PCNX2: variants seen among roughly 807,000 people sequenced by gnomAD.
PCNX2 encodes the protein pecanex 2.
A neutral mutation model predicts 223.8 loss-of-function variants in PCNX2; 168 were observed. The ratio of observed to expected loss-of-function variants is 0.75; its 90% CI spans 0.66 to 0.85. The LOEUF is 0.85. Ranked by LOEUF, PCNX2 falls within the 40% of genes least tolerant of loss-of-function variation. PCNX2 has a pLI of 0.00. For synonymous variants in PCNX2, 1,006 were observed against 1,052.6 expected (o/e 0.96, Z 0.86); for missense variants, 2,507 against 2,675.5 (o/e 0.94, Z 1.39).
At chr1:233,195,764 G>A (rs1199915707) in intron 15 of PCNX2, among the ~76,000 whole-genome samples, 3 of 152,146 alleles carry the variant, frequency 2.0e-5, no homozygotes, top group African/African-American at 7.2e-5. Flanking sequence ...CTCCTGACCT[G>A]AGAACGAAGT....
the PCNX2 span, among the ~76,000 whole-genome samples, chr1:233,314,231 T>G: frequency 6.6e-6 from 1 of 151,802 alleles, no homozygotes; most frequent in African/African-American, 2.4e-5. Context: ...CATATATATT[T>G]AGAGAGAGAG....
At chr1:233,193,695 T>C (rs1680548657) in intron 15 of PCNX2, among the ~76,000 whole-genome samples, 1 of 152,094 alleles carries the variant, frequency 6.6e-6, no homozygotes, top group Non-Finnish European at 1.5e-5. Context: ...GTGACAGAAA[T>C]GGACATCATT....
rs554601427 is a variant in PCNX2, at chr1:233,285,701, A to T, written c.153+9625T>A. Among the ~76,000 whole-genome samples the T allele has an allele frequency of 5.9e-5, 9 of 151,846 alleles. No individual in the cohort carries two copies. The South Asian group carries it at 1.9e-3, about 32-fold the overall frequency. ...AAAAAACAAACAAACAAACAAACAA[A>T]AAACTTGGTAAAGCCAAACACATGT... On this transcript the variant is annotated intron_variant, in intron 1 of 33. Coordinates refer to ENST00000258229, the MANE Select transcript of PCNX2 (RefSeq NM_014801.4).
At position 233,240,339 on chromosome 1, in the gene PCNX2, AT is replaced by A. The variant is rs552743231; in HGVS notation, c.2223-3360del. Among the ~76,000 whole-genome samples the A allele has an allele frequency of 3.5e-3, 537 of 151,990 alleles. 5 individuals carry two copies. The highest frequency in any genetic ancestry group is 0.013 in the African/African-American group (519 of 41,448). ...AAGTATTTGCTGCTTATTCTCTCTC[AT>A]TTTTTTTAAGTTATAGACTGTGAGC... On this transcript the variant is annotated intron_variant, in intron 8 of 33. Coordinates refer to ENST00000258229, the MANE Select transcript of PCNX2 (RefSeq NM_014801.4).
chr1:233,247,953 C>T (rs1458843620), intron 8 of PCNX2, among the ~76,000 whole-genome samples: 1 of 150,348 alleles, frequency 6.7e-6, no homozygotes, highest in Non-Finnish European at 1.5e-5. Context: ...ACTCTTAAGA[C>T]CAACACCCTG....
chr1:233,205,592 G>A (rs184511755), intron 13 of PCNX2, among the ~76,000 whole-genome samples: 81 of 152,106 alleles, frequency 5.3e-4, no homozygotes, highest in Non-Finnish European at 8.2e-4. Context: ...CTACTTGGGA[G>A]GCTGAGGCAG....
the PCNX2 span, among the ~76,000 whole-genome samples, chr1:233,318,157 C>T: frequency 6.6e-5 from 10 of 152,188 alleles, no homozygotes; most frequent in African/African-American, 2.2e-4. Context: ...ATGGGCAATC[C>T]TATTGAGCTA....
chr1:233,102,788 A>C (rs962500118), intron 21 of PCNX2, among the ~76,000 whole-genome samples: 2 of 151,998 alleles, frequency 1.3e-5, no homozygotes, highest in African/African-American at 4.8e-5. Context: ...AATATTTTGT[A>C]AATATTTCTC....
chr1:233,145,959 G>A (rs1677425538), intron 19 of PCNX2, among the ~76,000 whole-genome samples: 1 of 151,912 alleles, frequency 6.6e-6, no homozygotes, highest in Admixed American at 6.6e-5. Context: ...CAAAAACCTG[G>A]AATCTGAAAT....
intron 32 of PCNX2, among the ~76,000 whole-genome samples, chr1:232,993,361 C>T (rs776081950): frequency 2.6e-5 from 4 of 152,162 alleles, no homozygotes; most frequent in Non-Finnish European, 5.9e-5. Context: ...ATCTGTGGAA[C>T]TTCGAACTTG....
intron 1 of PCNX2, among the ~76,000 whole-genome samples, chr1:233,281,305 T>C (rs984712370): frequency 3.3e-5 from 5 of 152,234 alleles, no homozygotes; most frequent in African/African-American, 9.6e-5. Flanking sequence ...GAGGTGTCTA[T>C]TGATAGGGAA....
chr1:233,246,371 G>A (rs1287503478), intron 8 of PCNX2, among the ~76,000 whole-genome samples: 7 of 152,208 alleles, frequency 4.6e-5, no homozygotes, highest in Non-Finnish European at 8.8e-5. Flanking sequence ...TGGGCTCTGA[G>A]GAACCCTGAG....
intron 19 of PCNX2, among the ~76,000 whole-genome samples, chr1:233,143,220 T>C (rs531513656): frequency 2.2e-4 from 34 of 152,322 alleles, no homozygotes; most frequent in Non-Finnish European, 3.5e-4. Context: ...GCAGACAATA[T>C]ACCCAGAGTC....
rs1660026755 is a variant in PCNX2 at position 233,261,313 on chromosome 1, T to C, written c.489A>G (p.Ser163=). The C allele has an allele frequency of 6.2e-7, 1 of 1,612,870 alleles. No homozygotes were observed. The highest frequency in any genetic ancestry group is 1.7e-5 in the Admixed American group (1 of 59,986). The change falls in exon 4 of 34, where the codon TCA becomes TCG. Residue 163 remains serine (S), a synonymous_variant. Coordinates refer to ENST00000258229, the MANE Select transcript of PCNX2 (RefSeq NM_014801.4). ...SHHSSGPLEL[S]AQETVEDLKG... ...TGAGATCTTCTACAGTTTCCTGTGC[T>C]GACAACTCCTACACAAATGAAAGAA... is the stretch of plus-strand genomic sequence containing the variant.
Position 233,208,543 on chromosome 1 carries a change from T to C in PCNX2, c.2838A>G (p.Leu946=), listed in dbSNP as rs1170543786. 6 of 1,613,808 alleles carry C rather than the reference T, an allele frequency of 3.7e-6. No individual in the cohort carries two copies. The Admixed American group carries it at 5.0e-5, about 13-fold the overall frequency. Residue 946 remains leucine (L), a synonymous_variant, in exon 13 of 34, where the codon CTA becomes CTG. Transcript: ENST00000258229. ...YGLKLFSPVF[L]QSARDYLIVF... is the part of the protein sequence containing the mutation. ...CTATTAAGTAGTCCCTAGCTGATTG[T>C]AGAAACACTGGAGAGAAGAGCTTCA... is the stretch of plus-strand genomic sequence containing the variant.
chr1:233,086,626 G>A (rs1224902845), intron 23 of PCNX2, among the ~76,000 whole-genome samples: 2 of 151,940 alleles, frequency 1.3e-5, no homozygotes, highest in Non-Finnish European at 2.9e-5. Flanking sequence ...AGTGGAGATC[G>A]TGCCACTGCA....
chr1:233,264,598 T>C (rs1660234236), intron 1 of PCNX2, among the ~76,000 whole-genome samples: 1 of 152,152 alleles, frequency 6.6e-6, no homozygotes. Context: ...TCGCTCTTAT[T>C]ATGTCATGGG....
intron 20 of PCNX2, among the ~76,000 whole-genome samples, chr1:233,137,555 C>T (rs890645852): frequency 1.1e-4 from 17 of 152,132 alleles, no homozygotes; most frequent in African/African-American, 4.1e-4. Flanking sequence ...ACCAGAAATA[C>T]GCTATGGAAC....
At chr1:233,164,206 G>A (rs549275565) in intron 17 of PCNX2, among the ~76,000 whole-genome samples, 7 of 152,204 alleles carry the variant, frequency 4.6e-5, no homozygotes, top group East Asian at 1.9e-4. Context: ...AATGTGCAAC[G>A]TCACTAATCA....
Sources: gnomAD v4.1 joint callset for allele counts (sites outside exome capture counted in the v4.1 genomes callset) on GRCh38, gnomAD v4.1.1 for gene constraint, MANE v1.5 for transcripts, NCBI Gene and HGNC (gene_info 2026-07-23, HGNC 2026-07-21) for gene names.